Variants in STK32A observed in about 807,000 individuals in gnomAD.
STK32A encodes the protein serine/threonine-protein kinase 32A.
A neutral mutation model predicts 53.2 loss-of-function variants in STK32A; 41 were observed. That is an observed-to-expected ratio of 0.77 (90% CI 0.60 to 1.00). STK32A has a LOEUF of 1.00. STK32A is among the 50% of genes least tolerant of loss of function. The pLI is 0.00. For synonymous variants in STK32A, 166 were observed against 162.8 expected (o/e 1.02, Z -0.15); for missense variants, 458 against 485.8 (o/e 0.94, Z 0.54).
chr5:147,333,006 G>A (rs953744954), intron 5 of STK32A, among the ~76,000 whole-genome samples: 1 of 152,144 alleles, frequency 6.6e-6, no homozygotes, highest in African/African-American at 2.4e-5. Context: ...ATTTCTATAA[G>A]GTTAATGGCT....
At chr5:147,393,254 T>C in the STK32A span, 5 of 152,228 alleles carry the variant, frequency 3.3e-5, no homozygotes, top group Admixed American at 2.0e-4. Context: ...GGAAGAGAAG[T>C]GTCATTTGCT....
At chr5:147,261,567 A>C (rs1754573321) in intron 2 of STK32A, among the ~76,000 whole-genome samples, 1 of 152,222 alleles carries the variant, frequency 6.6e-6, no homozygotes, top group South Asian at 2.1e-4. Context: ...GTAGGTAATC[A>C]AAAAAGGTTG....
At chr5:147,358,465 T>G (rs1337542206) in intron 7 of STK32A, among the ~76,000 whole-genome samples, 1 of 152,190 alleles carries the variant, frequency 6.6e-6, no homozygotes, top group African/African-American at 2.4e-5. Flanking sequence ...CTTATAGGAA[T>G]CTCACATGTA....
At chr5:147,282,510 G>A (rs1292119005) in intron 4 of STK32A, among the ~76,000 whole-genome samples, 1 of 152,126 alleles carries the variant, frequency 6.6e-6, no homozygotes, top group African/African-American at 2.4e-5. Context: ...GAATGGATAA[G>A]AACTCACCAA....
intron 8 of STK32A, among the ~76,000 whole-genome samples, chr5:147,362,387 T>TC (rs1333195234): frequency 3.3e-5 from 5 of 152,208 alleles, no homozygotes; most frequent in African/African-American, 1.2e-4. Context: ...CAGCCTTTTT[T>TC]CTGTGTCCTC....
At chr5:147,297,960 C>T (rs1030562598) in intron 4 of STK32A, among the ~76,000 whole-genome samples, 10 of 130,776 alleles carry the variant, frequency 7.6e-5, no homozygotes, top group African/African-American at 3.0e-4. Flanking sequence ...ATCCTGGTGA[C>T]AGAGCAAGAC....
At chr5:147,334,348 G>A (rs12659468) in intron 5 of STK32A, among the ~76,000 whole-genome samples, 20,270 of 152,152 alleles carry the variant, frequency 0.13, 1,570 homozygotes, top group East Asian at 0.28. Flanking sequence ...GTACAGTCAG[G>A]CAGGGCTTCC....
intron 4 of STK32A, among the ~76,000 whole-genome samples, chr5:147,320,086 TA>T (rs1455849208): frequency 6.6e-6 from 1 of 152,236 alleles, no homozygotes. Context: ...TATCCTATGT[TA>T]TTCAATCTAT....
chr5:147,239,758 T>C, intron 2 of STK32A, 72 bp downstream of exon 2: 1 of 1,181,276 alleles, frequency 8.5e-7, no homozygotes, highest in Non-Finnish European at 1.2e-6. Flanking sequence ...TCTAGTTTCA[T>C]AAGTTAAGCA....
chr5:147,252,750 C>T (rs1189286230), intron 2 of STK32A, among the ~76,000 whole-genome samples: 1 of 152,076 alleles, frequency 6.6e-6, no homozygotes, highest in African/African-American at 2.4e-5. Context: ...TTCTAGCAGC[C>T]CTCATCCCTC....
chr5:147,279,140 A>G, intron 3 of STK32A, 107 bp from the exon 4 acceptor site: 1 of 1,071,304 alleles, frequency 9.3e-7, no homozygotes, highest in African/African-American at 1.6e-5. Flanking sequence ...TATAATTTGC[A>G]AATGTTAAGG....
In STK32A at chr5:147,368,218, A is replaced by C. The variant is rs760908228; in HGVS notation, c.661-2436A>C. 8.1e-4 allele frequency among the ~76,000 whole-genome samples: 124 copies of C among 152,372 alleles called. 2 individuals carry two copies. The highest frequency in any genetic ancestry group is 5.6e-3 in the Admixed American group (86 of 15,306). On this transcript the variant is annotated intron_variant, in intron 8 of 12. Coordinates refer to ENST00000397936, the MANE Select transcript of STK32A (RefSeq NM_001112724.2). ...GTGTTAACTTAGGATAGATGTGTAC[A>C]TAGTTTTGTACTCATTGTACATGCT...
chr5:147,379,923 A>C (rs1344586894), intron 11 of STK32A, among the ~76,000 whole-genome samples: 2 of 152,028 alleles, frequency 1.3e-5, no homozygotes, highest in African/African-American at 4.8e-5. Context: ...CTCATTTCAT[A>C]TTCTCTTTAT....
chr5:147,366,413 G>T (rs551091238), intron 8 of STK32A, among the ~76,000 whole-genome samples: 2 of 152,098 alleles, frequency 1.3e-5, no homozygotes, highest in Admixed American at 6.6e-5. Flanking sequence ...CAAGTATTTT[G>T]GTCATTTCTA....
intron 2 of STK32A, among the ~76,000 whole-genome samples, chr5:147,242,980 C>A (rs1753640817): frequency 6.6e-6 from 1 of 152,068 alleles, no homozygotes. Context: ...TTTTTGATAT[C>A]CATATTTTTA....
chr5:147,375,257 C>A lies in STK32A; in HGVS notation c.1032+39C>A, dbSNP rs778276658. The A allele has an allele frequency of 1.9e-6, 3 of 1,595,168 alleles. No homozygotes were observed. The South Asian group carries it at 3.5e-5, about 18-fold the overall frequency. On this transcript the variant is annotated intron_variant, in intron 11 of 12. Coordinates refer to ENST00000397936, the MANE Select transcript of STK32A (RefSeq NM_001112724.2). Reference sequence around the variant, plus strand: ...CACCAAACTCAGGGTCATGGGTATCCCCATGATGGCTGCAATATCTTCGAG... The same window carrying A: ...CACCAAACTCAGGGTCATGGGTATCACCATGATGGCTGCAATATCTTCGAG...
chr5:147,268,545 C>T (rs1754904138), intron 2 of STK32A, among the ~76,000 whole-genome samples: 1 of 152,198 alleles, frequency 6.6e-6, no homozygotes, highest in Non-Finnish European at 1.5e-5. Context: ...GAGCCAGGCA[C>T]ATTAATGCCA....
At chr5:147,392,014 G>A (rs1757823948), downstream of STK32A, 1 of 152,240 alleles carries the variant, frequency 6.6e-6, no homozygotes, top group African/African-American at 2.4e-5. Context: ...ACGCTCAGAA[G>A]CGAGTTTATG....
At chr5:147,306,191 T>A (rs1011121333) in intron 4 of STK32A, among the ~76,000 whole-genome samples, 1 of 151,976 alleles carries the variant, frequency 6.6e-6, no homozygotes, top group Admixed American at 6.6e-5. Flanking sequence ...AATTTGCATT[T>A]TTCTGGTGAC....
Sources: allele counts gnomAD v4.1 joint callset (sites outside exome capture counted in the v4.1 genomes callset), GRCh38; gene constraint gnomAD v4.1.1; transcripts MANE v1.5; gene names NCBI Gene and HGNC (gene_info 2026-07-23, HGNC 2026-07-21).